Variants in PATL2 observed in about 807,000 individuals in gnomAD.
PATL2 encodes the protein PAT1 homolog 2.
PATL2 carries 73 observed loss-of-function variants against 77.0 expected under a neutral mutation model. The observed-to-expected ratio is 0.95, with a 90% confidence interval of 0.78 to 1.15. The LOEUF is 1.15. Among genes scored for constraint, PATL2 ranks in the 50% most tolerant of loss-of-function variants. The pLI is 0.00. For missense variants in PATL2, 618 were observed against 655.4 expected, an observed-to-expected ratio of 0.94 and a Z score of 0.62; for synonymous variants, 265 against 257.1, an observed-to-expected ratio of 1.03 and a Z score of -0.29.
At chr15:44,698,650 A>T (rs2086563784) in intron 3 of PATL2, among the ~76,000 whole-genome samples, 1 of 152,222 alleles carries the variant, frequency 6.6e-6, no homozygotes. Flanking sequence ...CTGTTGATGG[A>T]CACTTAGGTT....
intron 3 of PATL2, among the ~76,000 whole-genome samples, chr15:44,686,485 C>T (rs1044234532): frequency 2.0e-5 from 3 of 152,204 alleles, no homozygotes; most frequent in Non-Finnish European, 2.9e-5. Flanking sequence ...ACCTTAACAT[C>T]ACAATTAAAA....
chr15:44,691,287 A>T (rs2086385154), intron 3 of PATL2, among the ~76,000 whole-genome samples: 1 of 152,204 alleles, frequency 6.6e-6, no homozygotes, highest in Admixed American at 6.5e-5. Context: ...GATTTATAAC[A>T]TAACATAAAA....
intron 3 of PATL2, among the ~76,000 whole-genome samples, chr15:44,707,120 C>T (rs2086755969): frequency 6.6e-6 from 1 of 152,054 alleles, no homozygotes; most frequent in Non-Finnish European, 1.5e-5. Flanking sequence ...GTGGTGAACG[C>T]TGCCCAGCCT....
chr15:44,666,677 C>T, intron 16 of PATL2, 136 bp from the exon 17 acceptor site: 2 of 890,798 alleles, frequency 2.2e-6, no homozygotes, highest in Non-Finnish European at 3.3e-6. Context: ...GTAACATTTG[C>T]ATGTTTGGTA....
At position 44,674,187 on chromosome 15, in the gene PATL2, A is replaced by C; in HGVS notation, c.266T>G (p.Leu89Arg). Residue 89 changes from leucine (L) to arginine (R), a missense_variant, in exon 6 of 18, where the codon CTG becomes CGG. Physicochemically the swap from Leu to Arg is moderately radical, Grantham distance 102 (BLOSUM62 -2). Coordinates refer to ENST00000682850, the MANE Select transcript of PATL2 (RefSeq NM_001387263.1). ...ATGCAAGGAGGCAAGTGACATTCCC[A>C]GCATACCAGGGGCCTTGACTCCAGG... ...SSPGVKAPGM[L>R]GMSLASLHFL... 6.4e-7 allele frequency: 1 copy of C among 1,551,024 alleles called. No homozygotes were observed. Among genetic ancestry groups the C allele is most frequent in the South Asian group, 1.2e-5 (1 of 84,038 alleles).
intron 14 of PATL2, 99 bp from the exon 15 acceptor site, chr15:44,668,581 A>C: frequency 6.9e-7 from 1 of 1,439,354 alleles, no homozygotes; most frequent in African/African-American, 1.4e-5. Flanking sequence ...TGTCTTTGGC[A>C]CGTCCTGGTG....
chr15:44,677,500 G>A (rs374650160), intron 3 of PATL2, among the ~76,000 whole-genome samples: 3 of 152,110 alleles, frequency 2.0e-5, no homozygotes, highest in South Asian at 4.1e-4. Flanking sequence ...AAGCTCAGGA[G>A]TAAAAACAAA....
chr15:44,688,260 A>AAT (rs1555388739), intron 3 of PATL2, among the ~76,000 whole-genome samples: 2,042 of 150,342 alleles, frequency 0.014, 63 homozygotes, highest in African/African-American at 0.047. Flanking sequence ...AAAAAAAAAA[A>AAT]AACTAGCTAA....
intron 3 of PATL2, among the ~76,000 whole-genome samples, chr15:44,702,529 T>C (rs1387217318): frequency 6.6e-6 from 1 of 152,008 alleles, no homozygotes; most frequent in African/African-American, 2.4e-5. Context: ...CTAATAATTT[T>C]GGGTTTGGCT....
intron 17 of PATL2, 57 bp from the exon 18 acceptor site, chr15:44,666,028 T>C: frequency 7.0e-7 from 1 of 1,420,794 alleles, no homozygotes; most frequent in Non-Finnish European, 9.5e-7. Flanking sequence ...AGTATTTATA[T>C]GATTTAATTA....
chr15:44,704,028 A>G (rs2086684442), intron 3 of PATL2, among the ~76,000 whole-genome samples: 1 of 151,540 alleles, frequency 6.6e-6, no homozygotes, highest in Non-Finnish European at 1.5e-5. Flanking sequence ...TCGCTTTGTC[A>G]CCCAGGCTGG....
chr15:44,697,687 T>C (rs1404516412), intron 3 of PATL2, among the ~76,000 whole-genome samples: 1 of 152,118 alleles, frequency 6.6e-6, no homozygotes, highest in Non-Finnish European at 1.5e-5. Context: ...CAATTACTTC[T>C]TATGGATCCC....
Position 44,667,165 on chromosome 15 carries a change from C to G in PATL2, c.1404G>C (p.Gly468=). ...AAGAATGCAGCGATACCAGTTGCTC[C>G]CCATGGCTCAGCAGGGCATAGAGCA... ...ISLLYALLSH[G]EQLVSLHSSL... is the part of the protein sequence containing the mutation. Residue 468 remains glycine (G), a synonymous_variant, in exon 16 of 18, where the codon GGG becomes GGC. Transcript: ENST00000682850. 6.4e-7 allele frequency: 1 copy of G among 1,551,642 alleles called. No individual in the cohort carries two copies. The highest frequency in any genetic ancestry group is 8.7e-7 in the Non-Finnish European group (1 of 1,146,974).
Position 44,671,927 on chromosome 15 carries a change from T to C in PATL2, c.657+88A>G, listed in dbSNP as rs1291041461. 18 of 1,472,508 alleles carry C rather than the reference T, an allele frequency of 1.2e-5. No homozygotes were observed. In the East Asian group the frequency reaches 3.7e-4, roughly 30 times the overall value. The allele number at this position is 1,472,508 out of a possible 1,614,324, so 91.2% of individuals were successfully genotyped here. On this transcript the variant is annotated intron_variant, in intron 9 of 17. Transcript: ENST00000682850. ...CCCACCTGAACAGACATGACCTCTATGAGCCGAAGAGAGGATCAGAGCGGG... is the reference window on the plus strand; with the variant it reads ...CCCACCTGAACAGACATGACCTCTACGAGCCGAAGAGAGGATCAGAGCGGG...
intron 13 of PATL2, 32 bp downstream of exon 13, chr15:44,669,248 C>G: frequency 6.5e-7 from 1 of 1,537,398 alleles, no homozygotes; most frequent in Non-Finnish European, 8.8e-7. Flanking sequence ...TCCTTCCCTT[C>G]CTGGGCTGAG....
intron 3 of PATL2, among the ~76,000 whole-genome samples, chr15:44,703,723 CTTTTT>C (rs933165876): frequency 0.032 from 1,039 of 32,936 alleles, 6 homozygotes; most frequent in African/African-American, 0.1. Flanking sequence ...CCGGGTCTTG[CTTTTT>C]TTTTTTTTTT....
chr15:44,681,062 G>A (rs143000372), intron 3 of PATL2, among the ~76,000 whole-genome samples: 10 of 152,136 alleles, frequency 6.6e-5, no homozygotes, highest in Non-Finnish European at 1.5e-4. Flanking sequence ...ATGGGGTCTC[G>A]CTCTTTCACC....
Position 44,665,923 on chromosome 15 carries a change from C to T in PATL2, c.*30G>A, listed in dbSNP as rs1347084863. On this transcript the variant is annotated 3_prime_UTR_variant, in exon 18 of 18. Coordinates refer to ENST00000682850, the MANE Select transcript of PATL2 (RefSeq NM_001387263.1). ...TAGCTAGTGTCTGATGATTCAACTTCCCACATACACGTATTCCAGAACAAA... is the reference window on the plus strand; with the variant it reads ...TAGCTAGTGTCTGATGATTCAACTTTCCACATACACGTATTCCAGAACAAA... 1 of 1,550,246 alleles carries T rather than the reference C, an allele frequency of 6.5e-7. No homozygotes were observed. Among genetic ancestry groups the T allele is most frequent in the South Asian group, 1.2e-5 (1 of 83,906 alleles).
intron 3 of PATL2, among the ~76,000 whole-genome samples, chr15:44,683,286 G>C (rs1189423853): frequency 6.6e-6 from 1 of 152,108 alleles, no homozygotes; most frequent in African/African-American, 2.4e-5. Flanking sequence ...GAGCCAAGTG[G>C]TCTAGCTCAG....
Sources: gnomAD v4.1 joint callset for allele counts (sites outside exome capture counted in the v4.1 genomes callset) on GRCh38, gnomAD v4.1.1 for gene constraint, MANE v1.5 for transcripts, NCBI Gene and HGNC (gene_info 2026-07-23, HGNC 2026-07-21) for gene names.